NCAPD3: variants seen among roughly 807,000 people sequenced by gnomAD.
NCAPD3 encodes the protein condensin-2 complex subunit D3.
In NCAPD3, 105 loss-of-function variants were observed where a neutral mutation model predicts 182.9. That is an observed-to-expected ratio of 0.57 (90% CI 0.49 to 0.68). The LOEUF is 0.68. NCAPD3 is among the 30% of genes least tolerant of loss of function. The probability of loss-of-function intolerance (pLI) is 0.00; values close to 1 mark genes in which losing one functional copy is unlikely to be tolerated. For missense variants in NCAPD3, 1,944 were observed against 1,837.0 expected (o/e 1.06, Z -1.07); for synonymous variants, 815 against 679.9 (o/e 1.20, Z -3.09).
In NCAPD3 at chr11:134,192,856, C is replaced by A. The variant is rs145787978; in HGVS notation, c.1878G>T (p.Pro626=). ...CAGTGCTCTCGCAGTCCATCACCACCGGGACCACCCCCCGCAACCAGGCTT... is the reference window on the plus strand; with the variant it reads ...CAGTGCTCTCGCAGTCCATCACCACAGGGACCACCCCCCGCAACCAGGCTT... ...IQKAWLRGVV[P]VVMDCESTVQ... The change falls in exon 16 of 35, where the codon CCG becomes CCT. Residue 626 remains proline (P), a synonymous_variant. Transcript: ENST00000534548. 45 of 1,614,042 alleles carry A rather than the reference C, an allele frequency of 2.8e-5. No homozygotes were observed. The highest frequency in any genetic ancestry group is 1.1e-4 in the African/African-American group (8 of 75,046).
chr11:134,181,140 C>T lies in NCAPD3; in HGVS notation c.2496G>A (p.Glu832=), dbSNP rs886657564. 5.6e-6 allele frequency: 9 copies of T among 1,614,010 alleles called. No individual in the cohort carries two copies. The highest frequency in any genetic ancestry group is 7.6e-6 in the Non-Finnish European group (9 of 1,180,020). The change falls in exon 20 of 35, where the codon GAG becomes GAA. Residue 832 remains glutamate (E), a synonymous_variant. Transcript: ENST00000534548. ...QVCGDVLSTC[E]HRLSNIVLKE... ...TGAGAACGATGTTGGAGAGGCGGTGCTCGCAGGTGGAGAGTACATCCCCAC... is the reference window on the plus strand; with the variant it reads ...TGAGAACGATGTTGGAGAGGCGGTGTTCGCAGGTGGAGAGTACATCCCCAC...
At chr11:134,163,155 A>G (rs1943636818) in intron 27 of NCAPD3, among the ~76,000 whole-genome samples, 1 of 152,210 alleles carries the variant, frequency 6.6e-6, no homozygotes. Flanking sequence ...AAGAAGAATC[A>G]GGGTTTATTC....
At position 134,153,320 on chromosome 11, in the gene NCAPD3, G is replaced by A. The variant is rs780003837; in HGVS notation, c.4296C>T (p.Ile1432=). Residue 1432 remains isoleucine (I), a synonymous_variant, in exon 33 of 35, where the codon ATC becomes ATT. Transcript: ENST00000534548. ...DVTFGAGVSY[I]GTPRTPSSAK... ...CTGACGACGGAGTCCGTGGTGTCCC[G>A]ATGTAACTGACCCCTGCTCCAAACG... 7 of 1,614,044 alleles carry A rather than the reference G, an allele frequency of 4.3e-6. No individual in the cohort carries two copies. The highest frequency in any genetic ancestry group is 2.2e-5 in the East Asian group (1 of 44,894).
intron 16 of NCAPD3, 34 bp downstream of exon 16, chr11:134,192,655 T>G: frequency 1.9e-6 from 3 of 1,572,738 alleles, no homozygotes; most frequent in Non-Finnish European, 1.7e-6. Context: ...ACGGCCTTCT[T>G]CTATAGGGAA....
At position 134,203,193 on chromosome 11, in the gene NCAPD3, T is replaced by C. The variant is rs879107071; in HGVS notation, c.1474A>G (p.Thr492Ala). 1.2e-5 allele frequency: 19 copies of C among 1,595,570 alleles called. No individual in the cohort carries two copies. Among genetic ancestry groups the C allele is most frequent in the African/African-American group, 2.7e-5 (2 of 74,452 alleles). ...GGGTGACTCTCTATTACAGAAAACG[T>C]AGGACCTAAAAACAAGAAGAAAGAT... Reference protein sequence around the residue: ...SILELLINSPTFSVIESHPGT... With the variant: ...SILELLINSPAFSVIESHPGT... The change falls in exon 12 of 35, where the codon ACG becomes GCG. Residue 492 changes from threonine to alanine, a missense_variant. Thr to Ala is a moderately conservative substitution (Grantham distance 58). Transcript: ENST00000534548.
chr11:134,215,887 G>C (rs1316315079), intron 3 of NCAPD3, among the ~76,000 whole-genome samples: 1 of 152,086 alleles, frequency 6.6e-6, no homozygotes, highest in Non-Finnish European at 1.5e-5. Context: ...GTTAAGTATC[G>C]ACAGCATCCC....
intron 30 of NCAPD3, 74 bp downstream of exon 30, chr11:134,158,255 G>C: frequency 1.9e-6 from 3 of 1,577,206 alleles, no homozygotes; most frequent in East Asian, 2.3e-5. Context: ...GCCCACGCTT[G>C]GGAATGGCAG....
intron 3 of NCAPD3, among the ~76,000 whole-genome samples, 168 bp from the exon 4 acceptor site, chr11:134,210,622 C>T (rs79772122): frequency 0.024 from 3,683 of 152,300 alleles, 154 homozygotes; most frequent in African/African-American, 0.084. Flanking sequence ...GTAGAGGAGA[C>T]AGCGCTGCAT....
At position 134,167,569 on chromosome 11, in the gene NCAPD3, C is replaced by G. The variant is rs549101323; in HGVS notation, c.3573+427G>C. Among the ~76,000 whole-genome samples, 302 of 121,162 alleles carry G rather than the reference C, an allele frequency of 2.5e-3. 3 individuals carry two copies. The highest frequency in any genetic ancestry group is 8.9e-3 in the African/African-American group (269 of 30,292). 79.5% of individuals were successfully genotyped at this position (121,162 alleles called of 152,430 possible). ...TGAGCTCGGGGGAGCTGCACACTCA[C>G]TAGTGAGATGAGCTTGGGGGAGGGG... On this transcript the variant is annotated intron_variant, in intron 27 of 34. Transcript: ENST00000534548.
At position 134,153,347 on chromosome 11, in the gene NCAPD3, G is replaced by T. The variant is rs899256308; in HGVS notation, c.4269C>A (p.Val1423=). The change falls in exon 33 of 35, where the codon GTC becomes GTA. Residue 1423 remains valine (V), a synonymous_variant. Transcript: ENST00000534548. ...ISTPEKSISD[V]TFGAGVSYIG... ...TGTAACTGACCCCTGCTCCAAACGT[G>T]ACATCACTGATGCTCTCTGCATAAA... The T allele has an allele frequency of 1.2e-6, 2 of 1,614,128 alleles. No homozygotes were observed. The highest frequency in any genetic ancestry group is 1.7e-6 in the Non-Finnish European group (2 of 1,180,020).
At chr11:134,198,325 A>C (rs963049283) in intron 13 of NCAPD3, among the ~76,000 whole-genome samples, 7 of 152,188 alleles carry the variant, frequency 4.6e-5, no homozygotes, top group Non-Finnish European at 1.0e-4. Flanking sequence ...AGTTCTTTAG[A>C]CAAACTCAGC....
intron 16 of NCAPD3, among the ~76,000 whole-genome samples, chr11:134,189,106 T>A (rs1188664185): frequency 1.3e-5 from 2 of 152,180 alleles, no homozygotes; most frequent in Admixed American, 6.5e-5. Flanking sequence ...TATATAGAAC[T>A]GTGCCCTTTA....
intron 6 of NCAPD3, 39 bp from the exon 7 acceptor site, chr11:134,208,990 T>C (rs1340270256): frequency 1.3e-6 from 2 of 1,512,576 alleles, no homozygotes. Context: ...ATGGATATGA[T>C]TTTACTTGGA....
At chr11:134,176,117 T>A (rs1944156595) in intron 24 of NCAPD3, among the ~76,000 whole-genome samples, 190 bp downstream of exon 24, 1 of 152,142 alleles carries the variant, frequency 6.6e-6, no homozygotes, top group South Asian at 2.1e-4. Flanking sequence ...CCATTTTCTT[T>A]TAAACTTGTG....
chr11:134,204,934 C>T lies in NCAPD3; in HGVS notation c.1054G>A (p.Val352Ile). ...VDELKESIFP[V>I]VRILLQHICA... is the part of the protein sequence containing the mutation. ...ATGTGCTGCAGTAAGATACGGACGA[C>T]TGGGAATATACTCTCCTTTAATTCA... Residue 352 changes from valine to isoleucine, a missense_variant, in exon 9 of 35, where the codon GTC becomes ATC. Coordinates refer to ENST00000534548, the MANE Select transcript of NCAPD3 (RefSeq NM_015261.3). The surrounding 1 kb of genome is among the most constrained non-coding windows in gnomAD (Gnocchi z 4.3). 6.2e-7 allele frequency: 1 copy of T among 1,613,812 alleles called. No individual in the cohort carries two copies. Among genetic ancestry groups the T allele is most frequent in the Non-Finnish European group, 8.5e-7 (1 of 1,179,768 alleles).
At chr11:134,182,089 C>T (rs1944311285) in intron 19 of NCAPD3, among the ~76,000 whole-genome samples, 1 of 152,170 alleles carries the variant, frequency 6.6e-6, no homozygotes, top group South Asian at 2.1e-4. Context: ...TGGACCACAA[C>T]ATTGGCCCAA....
chr11:134,171,144 A>G (rs1290564980), intron 24 of NCAPD3, among the ~76,000 whole-genome samples: 1 of 152,156 alleles, frequency 6.6e-6, no homozygotes, highest in Non-Finnish European at 1.5e-5. Context: ...CTCGTTCAGC[A>G]TCCTCTCCCC....
In NCAPD3 at chr11:134,168,152, A is replaced by G. The variant is rs749258729; in HGVS notation, c.3417T>C (p.Ser1139=). ...CCTCAAACGTGTCTGAGAGTAACTC[A>G]CTGGCGTCCAGGTCCAGGGGTAGGA... The part of the protein sequence containing the change: ...DGILPLDLDA[S]ELLSDTFEVL... Residue 1139 remains serine (S), a synonymous_variant, in exon 27 of 35, where the codon AGT becomes AGC. Coordinates refer to ENST00000534548, the MANE Select transcript of NCAPD3 (RefSeq NM_015261.3). 1 of 1,614,166 alleles carries G rather than the reference A, an allele frequency of 6.2e-7. No individual in the cohort carries two copies. The highest frequency in any genetic ancestry group is 1.1e-5 in the South Asian group (1 of 91,082).
At chr11:134,159,748 G>T in intron 29 of NCAPD3, 144 bp downstream of exon 29, 1 of 813,922 alleles carries the variant, frequency 1.2e-6, no homozygotes, top group Non-Finnish European at 1.9e-6. Flanking sequence ...GCACGAGGGA[G>T]TGGCCAACAA....
Sources: allele counts gnomAD v4.1 joint callset (sites outside exome capture counted in the v4.1 genomes callset), GRCh38; gene constraint gnomAD v4.1.1; non-coding constraint Gnocchi (gnomAD v3.1); transcripts MANE v1.5; gene names NCBI Gene and HGNC (gene_info 2026-07-23, HGNC 2026-07-21).